NTM: variants seen among roughly 807,000 people sequenced by gnomAD.
NTM encodes the protein neurotrimin.
NTM carries 13 observed loss-of-function variants against 42.1 expected under a neutral mutation model. That is an observed-to-expected ratio of 0.31 (90% confidence interval 0.20 to 0.49). NTM has a LOEUF of 0.49. Among genes scored for constraint, NTM ranks in the 20% least tolerant of loss-of-function variants. NTM has a pLI of 0.99. For synonymous variants in NTM, 187 were observed against 179.2 expected, an observed-to-expected ratio of 1.04 and a Z score of -0.35; for missense variants, 373 against 452.8, an observed-to-expected ratio of 0.82 and a Z score of 1.60.
At chr11:132,044,159 T>C (rs1256652619) in intron 2 of NTM, among the ~76,000 whole-genome samples, 1 of 130,174 alleles carries the variant, frequency 7.7e-6, no homozygotes, top group Non-Finnish European at 1.7e-5. Context: ...TGTGTGTGTG[T>C]GTGTGCTTAT....
intron 1 of NTM, among the ~76,000 whole-genome samples, chr11:131,419,977 C>T (rs563985003): frequency 2.7e-4 from 41 of 152,284 alleles, no homozygotes; most frequent in African/African-American, 9.9e-4. Flanking sequence ...CTGCCCCTTC[C>T]TTTGGTTGTT....
In NTM at chr11:132,336,712, G is replaced by A. The variant is rs1450098746; in HGVS notation, c.*1566G>A. On this transcript the variant is annotated 3_prime_UTR_variant, in exon 9 of 9. Transcript: ENST00000683400. ...CTCCCCTGAAAGTCTGGGAACCTGA[G>A]AGTCCTCGGGGAGGGGTCCTGGATG... 6.6e-6 allele frequency: 1 copy of A among 151,812 alleles called. No homozygotes were observed. Among genetic ancestry groups the A allele is most frequent in the Non-Finnish European group, 1.5e-5 (1 of 67,916 alleles). 9.4% of individuals were successfully genotyped at this position (151,812 alleles called of 1,614,324 possible). A position where few individuals can be genotyped will look rare whatever the true frequency, so the allele number is the denominator to read the frequency against.
intron 2 of NTM, among the ~76,000 whole-genome samples, chr11:131,931,039 A>C (rs988523977): frequency 6.6e-6 from 1 of 152,314 alleles, no homozygotes; most frequent in Admixed American, 6.5e-5. Context: ...TAGTGTTCAT[A>C]ACGTTTCTGC....
intron 1 of NTM, among the ~76,000 whole-genome samples, chr11:131,800,033 C>T (rs2091968962): frequency 6.6e-6 from 1 of 152,150 alleles, no homozygotes; most frequent in Non-Finnish European, 1.5e-5. Context: ...ACATAAAGCA[C>T]CTGGTGTGGT....
intron 1 of NTM, among the ~76,000 whole-genome samples, chr11:131,828,191 G>T (rs2042361633): frequency 6.6e-6 from 1 of 151,860 alleles, no homozygotes; most frequent in Non-Finnish European, 1.5e-5. Context: ...ATCAGGCAAA[G>T]CACTTATCAC....
chr11:131,380,311 G>A (rs1302713820), intron 1 of NTM, among the ~76,000 whole-genome samples: 1 of 150,354 alleles, frequency 6.7e-6, no homozygotes, highest in Non-Finnish European at 1.5e-5. Flanking sequence ...GGGTTCAAGC[G>A]ATTCTCCTGC....
At chr11:131,430,821 C>A (rs1948588556) in intron 1 of NTM, among the ~76,000 whole-genome samples, 1 of 152,226 alleles carries the variant, frequency 6.6e-6, no homozygotes, top group South Asian at 2.1e-4. Flanking sequence ...CCTTTCTGGG[C>A]CACACAGTCT....
At chr11:132,278,971 A>G (rs995888527) in intron 4 of NTM, among the ~76,000 whole-genome samples, 7 of 152,164 alleles carry the variant, frequency 4.6e-5, no homozygotes, top group African/African-American at 1.4e-4. Flanking sequence ...GCCAAATCCA[A>G]ATATCCACAA....
chr11:131,841,805 G>A (rs2044291123), intron 1 of NTM, among the ~76,000 whole-genome samples: 1 of 152,122 alleles, frequency 6.6e-6, no homozygotes, highest in South Asian at 2.1e-4. Flanking sequence ...GAGGAGGGAT[G>A]GGGATTACAG....
chr11:132,288,702 C>T (rs1007455747), intron 4 of NTM, among the ~76,000 whole-genome samples: 22 of 152,212 alleles, frequency 1.4e-4, no homozygotes, highest in African/African-American at 5.3e-4. Context: ...CCACTGCAAC[C>T]TCCAGCTCCC....
intron 2 of NTM, among the ~76,000 whole-genome samples, chr11:131,996,500 C>T (rs1311014229): frequency 6.6e-6 from 1 of 152,068 alleles, no homozygotes; most frequent in African/African-American, 2.4e-5. Context: ...TGGAAAACTC[C>T]CGTCCATTCA....
At chr11:131,622,459 A>G (rs984590993) in intron 1 of NTM, among the ~76,000 whole-genome samples, 1 of 152,206 alleles carries the variant, frequency 6.6e-6, no homozygotes, top group African/African-American at 2.4e-5. Flanking sequence ...CATTTGGGGA[A>G]AGAATGAACA....
chr11:131,448,028 G>A (rs1398910342), intron 1 of NTM, among the ~76,000 whole-genome samples: 1 of 152,350 alleles, frequency 6.6e-6, no homozygotes, highest in African/African-American at 2.4e-5. Context: ...GTGGCTTGGA[G>A]GGTTGCACCC....
At chr11:132,054,181 C>T (rs1390226218) in intron 2 of NTM, among the ~76,000 whole-genome samples, 1 of 152,196 alleles carries the variant, frequency 6.6e-6, no homozygotes, top group African/African-American at 2.4e-5. Flanking sequence ...TGCCACGGTA[C>T]TCCAGCCTGG....
At chr11:132,045,179 A>G (rs776451490) in intron 2 of NTM, among the ~76,000 whole-genome samples, 3 of 152,160 alleles carry the variant, frequency 2.0e-5, no homozygotes, top group Non-Finnish European at 2.9e-5. Context: ...TCTGTTTATT[A>G]TTGGGATACA....
chr11:132,033,519 T>G (rs1250763922), intron 2 of NTM, among the ~76,000 whole-genome samples: 1 of 152,148 alleles, frequency 6.6e-6, no homozygotes, highest in Admixed American at 6.5e-5. Context: ...AGAAGTCCAG[T>G]CTTGTCACAA....
intron 1 of NTM, among the ~76,000 whole-genome samples, chr11:131,789,544 A>AG (rs1227886100): frequency 4.3e-5 from 1 of 23,064 alleles, no homozygotes; most frequent in African/African-American, 2.5e-4. Context: ...AAGAAGAAGA[A>AG]GAAAAGAAGA....
chr11:131,650,662 G>A lies in NTM; in HGVS notation c.83-260902G>A, dbSNP rs2066366177. ...ATCACCATCATCATCTATGTAAGAAGGGCTCTGTTGAGGGATATAGGAACA... is the reference window on the plus strand; with the variant it reads ...ATCACCATCATCATCTATGTAAGAAAGGCTCTGTTGAGGGATATAGGAACA... On this transcript the variant is annotated intron_variant, in intron 1 of 8. Transcript: ENST00000683400. Among the ~76,000 whole-genome samples, 2 of 152,092 alleles carry A rather than the reference G, an allele frequency of 1.3e-5. 1 individual carries two copies. Among genetic ancestry groups the A allele is most frequent in the Admixed American group, 1.3e-4 (2 of 15,264 alleles).
chr11:131,412,381 G>A (rs983623584), intron 1 of NTM, among the ~76,000 whole-genome samples: 3 of 152,172 alleles, frequency 2.0e-5, no homozygotes, highest in Non-Finnish European at 4.4e-5. Context: ...AAAGGAAGGA[G>A]CAAACTAAGG....
Sources: gnomAD v4.1 joint callset for allele counts (sites outside exome capture counted in the v4.1 genomes callset) on GRCh38, gnomAD v4.1.1 for gene constraint, MANE v1.5 for transcripts, NCBI Gene and HGNC (gene_info 2026-07-23, HGNC 2026-07-21) for gene names.